MEGF10: variants seen among roughly 807,000 people sequenced by gnomAD.
MEGF10 encodes multiple EGF like domains 10, also known as multiple epidermal growth factor-like domains protein 10.
MEGF10 carries 86 observed loss-of-function variants against 147.5 expected under a neutral mutation model. That is an observed-to-expected ratio of 0.58 (90% confidence interval 0.49 to 0.70). MEGF10 has a LOEUF of 0.70. MEGF10 is among the 30% of genes least tolerant of loss of function. The pLI, the probability that MEGF10 is intolerant of heterozygous loss-of-function variation, is 0.00. For synonymous variants in MEGF10, 478 were observed against 525.5 expected, an observed-to-expected ratio of 0.91 and a Z score of 1.24; for missense variants, 1,329 against 1,487.3, an observed-to-expected ratio of 0.89 and a Z score of 1.75.
chr5:127,337,754 T>C (rs1193019325), intron 2 of MEGF10, among the ~76,000 whole-genome samples: 1 of 152,096 alleles, frequency 6.6e-6, no homozygotes, highest in Non-Finnish European at 1.5e-5. Context: ...CAACACCATC[T>C]CTGACTCCTT....
chr5:127,439,060 C>A, intron 17 of MEGF10, among the ~76,000 whole-genome samples: 1 of 152,310 alleles, frequency 6.6e-6, no homozygotes, highest in African/African-American at 2.4e-5. Flanking sequence ...CCGGAAGCAG[C>A]GAGTCTGGGC....
At chr5:127,267,899 T>C in the MEGF10 span, among the ~76,000 whole-genome samples, 10 of 152,172 alleles carry the variant, frequency 6.6e-5, no homozygotes, top group African/African-American at 2.2e-4. Context: ...TTTTGAAGGA[T>C]TTTTTATGTC....
At chr5:127,434,977 C>T (rs1765507221) in intron 15 of MEGF10, among the ~76,000 whole-genome samples, 156 bp downstream of exon 15, 1 of 152,200 alleles carries the variant, frequency 6.6e-6, no homozygotes, top group African/African-American at 2.4e-5. Flanking sequence ...TCAGATAGGA[C>T]TTTGAGCTTT....
intron 24 of MEGF10, among the ~76,000 whole-genome samples, chr5:127,456,137 G>A (rs1483442145): frequency 6.6e-6 from 1 of 152,030 alleles, no homozygotes. Context: ...TATCATATTA[G>A]CTAATATATC....
At chr5:127,397,137 G>C (rs1271748725) in intron 6 of MEGF10, among the ~76,000 whole-genome samples, 2 of 152,196 alleles carry the variant, frequency 1.3e-5, no homozygotes, top group Non-Finnish European at 2.9e-5. Flanking sequence ...CATTTATACT[G>C]CTGGTTGTTA....
chr5:127,340,449 A>G lies in MEGF10; in HGVS notation c.219-81A>G, dbSNP rs954519015. 8.2e-5 allele frequency: 85 copies of G among 1,037,532 alleles called. 2 individuals carry two copies. In the South Asian group the frequency reaches 1.1e-3, roughly 14 times the overall value. 64.3% of individuals were successfully genotyped at this position (1,037,532 alleles called of 1,614,324 possible). ...TTATATTGGTCTAGACATGTATTCCATATTTCTTCATAACTAGTTTGAAAT... is the reference window on the plus strand; with the variant it reads ...TTATATTGGTCTAGACATGTATTCCGTATTTCTTCATAACTAGTTTGAAAT... On this transcript the variant is annotated intron_variant, in intron 3 of 24. Coordinates refer to ENST00000503335, the MANE Select transcript of MEGF10 (RefSeq NM_001256545.2).
chr5:127,302,284 A>G (rs1242870890), intron 1 of MEGF10, among the ~76,000 whole-genome samples: 1 of 152,178 alleles, frequency 6.6e-6, no homozygotes, highest in East Asian at 1.9e-4. Context: ...AATATTATTT[A>G]GTCATGGAAA....
the MEGF10 span, among the ~76,000 whole-genome samples, chr5:127,284,615 C>T: frequency 6.6e-6 from 1 of 152,118 alleles, no homozygotes; most frequent in East Asian, 1.9e-4. Context: ...TCTCTCTGAG[C>T]CTTCTTTTTC....
intron 5 of MEGF10, among the ~76,000 whole-genome samples, chr5:127,373,459 T>C (rs981092977): frequency 5.3e-5 from 8 of 152,174 alleles, no homozygotes; most frequent in African/African-American, 1.9e-4. Context: ...ACCCATTGTG[T>C]CCCTTTGACA....
the MEGF10 span, among the ~76,000 whole-genome samples, chr5:127,239,905 T>C: frequency 6.6e-6 from 1 of 152,196 alleles, no homozygotes; most frequent in Non-Finnish European, 1.5e-5. Context: ...TCATCCTTAC[T>C]TCTACCCAGC....
chr5:127,427,821 A>C (rs930209044), intron 13 of MEGF10, among the ~76,000 whole-genome samples: 2 of 152,194 alleles, frequency 1.3e-5, no homozygotes, highest in African/African-American at 4.8e-5. Flanking sequence ...GGAGGTAATA[A>C]CTTTAGTCAA....
intron 4 of MEGF10, among the ~76,000 whole-genome samples, chr5:127,357,071 G>T (rs1021791082): frequency 1.3e-5 from 2 of 152,100 alleles, no homozygotes; most frequent in South Asian, 4.2e-4. Context: ...TAATTTATTT[G>T]AGACTCTTTG....
chr5:127,285,837 A>G (rs1046443339), upstream of MEGF10, among the ~76,000 whole-genome samples: 2 of 152,152 alleles, frequency 1.3e-5, no homozygotes, highest in Non-Finnish European at 2.9e-5. Flanking sequence ...AGTGAAATCA[A>G]TGTATCAGAA....
rs1764887301 is a variant in MEGF10 at position 127,419,154 on chromosome 5, C to A, written c.1340C>A (p.Thr447Asn). The A allele has an allele frequency of 1.9e-6, 3 of 1,614,088 alleles. No individual in the cohort carries two copies. Among genetic ancestry groups the A allele is most frequent in the East Asian group, 4.5e-5 (2 of 44,878 alleles). ...IDCSTPCPLG[T>N]YGINCSSRCG... ...TGCTCTACCCCATGCCCTCTGGGAACCTATGGGATAAACTGTTCCTCTCGC... is the reference window on the plus strand; with the variant it reads ...TGCTCTACCCCATGCCCTCTGGGAAACTATGGGATAAACTGTTCCTCTCGC... The change falls in exon 11 of 25, where the codon ACC (threonine) becomes AAC (asparagine). Residue 447 changes from threonine to asparagine, a missense_variant. Physicochemically the swap from Thr to Asn is moderately conservative, Grantham distance 65. Around this residue, in one of 3 missense-constraint regions of MEGF10, gnomAD observed 980 missense variants for 1,085.9 expected, o/e 0.90. Coordinates refer to ENST00000503335, the MANE Select transcript of MEGF10 (RefSeq NM_001256545.2).
intron 1 of MEGF10, among the ~76,000 whole-genome samples, chr5:127,306,187 C>T (rs1760004408): frequency 6.6e-6 from 1 of 152,120 alleles, no homozygotes; most frequent in Admixed American, 6.5e-5. Flanking sequence ...AATTAGGGCC[C>T]CGGTGCCGTG....
At chr5:127,245,270 T>C in the MEGF10 span, among the ~76,000 whole-genome samples, 1 of 151,652 alleles carries the variant, frequency 6.6e-6, no homozygotes, top group Non-Finnish European at 1.5e-5. Flanking sequence ...TATAGACCAA[T>C]GGAACAGAAC....
At chr5:127,256,598 G>A in the MEGF10 span, among the ~76,000 whole-genome samples, 1 of 152,072 alleles carries the variant, frequency 6.6e-6, no homozygotes, top group East Asian at 1.9e-4. Context: ...TCTCTCCCTT[G>A]CAGTGAGACC....
chr5:127,260,363 G>A, the MEGF10 span, among the ~76,000 whole-genome samples: 2 of 152,092 alleles, frequency 1.3e-5, no homozygotes, highest in Non-Finnish European at 2.9e-5. Context: ...TTTGATAGGT[G>A]TAAGGAGAAA....
rs768032242 is a variant in MEGF10 at position 127,457,354 on chromosome 5, TC to T, written c.*38del. The T allele has an allele frequency of 7.5e-6, 12 of 1,591,848 alleles. No individual in the cohort carries two copies. In the South Asian group the frequency reaches 1.1e-4, roughly 15 times the overall value. On this transcript the variant is annotated 3_prime_UTR_variant, in exon 25 of 25. Transcript: ENST00000503335. ...CCGCTTGGTAGCCACTGGAACCCTT[TC>T]CAGAACTGCTGTTTGGTTCTTCTCC...
Sources: allele counts gnomAD v4.1 joint callset (sites outside exome capture counted in the v4.1 genomes callset), GRCh38; gene constraint gnomAD v4.1.1; regional missense constraint gnomAD v4.1.1; transcripts MANE v1.5; gene names NCBI Gene and HGNC (gene_info 2026-07-23, HGNC 2026-07-21).